NRXN1: variants seen among roughly 807,000 people sequenced by gnomAD.
NRXN1 encodes the protein neurexin 1.
Under a neutral mutation model 150.9 loss-of-function variants are expected in NRXN1, and 39 were observed. The ratio of observed to expected loss-of-function variants is 0.26; its 90% CI spans 0.20 to 0.34. NRXN1 has a LOEUF of 0.34. Among genes scored for constraint, NRXN1 ranks in the 10% least tolerant of loss-of-function variants. NRXN1 has a pLI of 1.00. For missense variants in NRXN1, 1,815 were observed against 1,949.9 expected, an observed-to-expected ratio of 0.93 and a Z score of 1.30; for synonymous variants, 924 against 757.0, an observed-to-expected ratio of 1.22 and a Z score of -3.62.
chr2:50,801,361 T>C (rs1050305984), intron 5 of NRXN1, among the ~76,000 whole-genome samples: 1 of 152,188 alleles, frequency 6.6e-6, no homozygotes, highest in Non-Finnish European at 1.5e-5. Flanking sequence ...ATTATGTCAA[T>C]CTGCAATATG....
At chr2:50,377,448 G>A (rs1422390103) in intron 17 of NRXN1, among the ~76,000 whole-genome samples, 2 of 152,130 alleles carry the variant, frequency 1.3e-5, no homozygotes, top group Non-Finnish European at 2.9e-5. Context: ...TTTTATGGCT[G>A]CATAGTATTC....
chr2:50,882,289 G>A (rs373157692), intron 5 of NRXN1, among the ~76,000 whole-genome samples: 3 of 151,786 alleles, frequency 2.0e-5, no homozygotes, highest in East Asian at 1.9e-4. Flanking sequence ...TAAAACCATC[G>A]TTACATTTGT....
At chr2:50,434,692 A>C (rs569993625) in intron 17 of NRXN1, among the ~76,000 whole-genome samples, 1 of 152,158 alleles carries the variant, frequency 6.6e-6, no homozygotes, top group African/African-American at 2.4e-5. Context: ...TTCTTTGTTC[A>C]CTTTTTGAAT....
intron 17 of NRXN1, among the ~76,000 whole-genome samples, chr2:50,337,190 A>C (rs549641385): frequency 8.0e-5 from 12 of 149,110 alleles, no homozygotes; most frequent in African/African-American, 2.7e-4. Context: ...GGTTCAAGCG[A>C]TTCTTCTGCC....
chr2:50,732,212 T>A (rs894405528), intron 5 of NRXN1, among the ~76,000 whole-genome samples: 4 of 152,188 alleles, frequency 2.6e-5, no homozygotes, highest in South Asian at 2.1e-4. Context: ...ATGAAAAAAA[T>A]TGTGTGTTTT....
rs1558996673 is a variant in NRXN1, at chr2:50,598,575, TG to T, written c.1320+21446del. 2.9e-4 allele frequency among the ~76,000 whole-genome samples: 43 copies of T among 149,792 alleles called. 1 individual carries two copies. The highest frequency in any genetic ancestry group is 1.0e-3 in the African/African-American group (42 of 40,878). On this transcript the variant is annotated intron_variant, in intron 8 of 22. Coordinates refer to ENST00000401669, the MANE Select transcript of NRXN1 (RefSeq NM_001330078.2). ...GTGTATATATATATGTGTGTGTGTG[TG>T]TGTATATATATGTATATATGCGCGT...
intron 18 of NRXN1, among the ~76,000 whole-genome samples, chr2:50,111,918 C>T (rs1451528744): frequency 6.6e-6 from 1 of 152,076 alleles, no homozygotes; most frequent in Non-Finnish European, 1.5e-5. Context: ...AACTTCAATG[C>T]AACGTGTAAG....
chr2:49,977,234 A>C (rs1679146369), intron 21 of NRXN1, among the ~76,000 whole-genome samples: 1 of 152,154 alleles, frequency 6.6e-6, no homozygotes, highest in Admixed American at 6.5e-5. Context: ...GTTTTACATA[A>C]AAGTGCTGTA....
At position 50,347,428 on chromosome 2, in the gene NRXN1, G is replaced by A; in HGVS notation, c.3365-110458C>T. The stretch of plus-strand genomic sequence containing the variant: ...TAGCTTTGTGTGCGGGGACTAGGGA[G>A]GCCACTTCGCCGGCCCAACCTCCTT... On this transcript the variant is annotated intron_variant, in intron 17 of 22. Transcript: ENST00000401669. The surrounding 1 kb of genome is among the most constrained non-coding windows in gnomAD (Gnocchi z 4.9). 5.2e-6 allele frequency: 6 copies of A among 1,145,242 alleles called. No homozygotes were observed. The highest frequency in any genetic ancestry group is 6.5e-6 in the Non-Finnish European group (6 of 919,232). 70.9% of individuals were successfully genotyped at this position (1,145,242 alleles called of 1,614,324 possible).
At chr2:50,789,276 G>C (rs572694099) in intron 5 of NRXN1, among the ~76,000 whole-genome samples, 3 of 152,124 alleles carry the variant, frequency 2.0e-5, no homozygotes, top group African/African-American at 4.8e-5. Flanking sequence ...AATACAACAT[G>C]CCTGCAATGC....
At chr2:50,278,240 TAATATA>T (rs2070838104) in intron 17 of NRXN1, among the ~76,000 whole-genome samples, 2 of 126,348 alleles carry the variant, frequency 1.6e-5, no homozygotes, top group Non-Finnish European at 3.2e-5. Flanking sequence ...TATATATATA[TAATATA>T]TATATATATT....
chr2:50,002,011 G>T (rs1419320132), intron 21 of NRXN1, among the ~76,000 whole-genome samples: 3 of 151,922 alleles, frequency 2.0e-5, no homozygotes, highest in African/African-American at 4.8e-5. Flanking sequence ...AGAGTTGAGG[G>T]CCTCAGTTCT....
intron 2 of NRXN1, among the ~76,000 whole-genome samples, chr2:50,996,177 G>A (rs2105037321): frequency 6.6e-6 from 1 of 152,206 alleles, no homozygotes; most frequent in South Asian, 2.1e-4. Flanking sequence ...TGTTAAATGG[G>A]CAGTTTGCTG....
At chr2:50,581,193 A>G (rs538461921) in intron 8 of NRXN1, among the ~76,000 whole-genome samples, 3 of 152,264 alleles carry the variant, frequency 2.0e-5, no homozygotes, top group East Asian at 3.9e-4. Context: ...CTTGAATTCT[A>G]TTGTCTGGCA....
chr2:50,449,397 C>T (rs1408212443), intron 17 of NRXN1, among the ~76,000 whole-genome samples: 2 of 152,118 alleles, frequency 1.3e-5, no homozygotes, highest in Non-Finnish European at 2.9e-5. Flanking sequence ...AGAAGTCTTC[C>T]CTCATTTCCT....
chr2:50,519,483 C>T (rs533838918), intron 12 of NRXN1, among the ~76,000 whole-genome samples: 150 of 152,020 alleles, frequency 9.9e-4, no homozygotes, highest in African/African-American at 3.5e-3. Context: ...TGGCAATTGT[C>T]CAACTATAAC....
intron 5 of NRXN1, among the ~76,000 whole-genome samples, chr2:50,838,834 C>T (rs1175362416): frequency 6.6e-6 from 1 of 152,028 alleles, no homozygotes; most frequent in African/African-American, 2.4e-5. Context: ...CCTCCAGAAC[C>T]GAGACAATAA....
intron 17 of NRXN1, among the ~76,000 whole-genome samples, chr2:50,376,980 G>A (rs1365440801): frequency 6.7e-6 from 1 of 149,194 alleles, no homozygotes; most frequent in Non-Finnish European, 1.5e-5. Context: ...TTTTAAATGA[G>A]TAAGGGATTT....
chr2:50,883,789 A>T (rs976489418), intron 5 of NRXN1, among the ~76,000 whole-genome samples: 14 of 151,878 alleles, frequency 9.2e-5, no homozygotes, highest in Admixed American at 8.6e-4. Context: ...GACAATTTAG[A>T]AACATAATAT....
Sources: gnomAD v4.1 joint callset for allele counts (sites outside exome capture counted in the v4.1 genomes callset) on GRCh38, gnomAD v4.1.1 for gene constraint, Gnocchi (gnomAD v3.1) non-coding constraint, MANE v1.5 for transcripts, NCBI Gene and HGNC (gene_info 2026-07-23, HGNC 2026-07-21) for gene names.